Variants in TEX9 observed in about 807,000 individuals in gnomAD.
TEX9 encodes testis expressed 9.
TEX9 carries 74 observed loss-of-function variants against 59.6 expected under a neutral mutation model. That is an observed-to-expected ratio of 1.24 (90% CI 1.03 to 1.51). TEX9 has a LOEUF of 1.51. Ranked by LOEUF, TEX9 falls within the 40% of genes most tolerant of loss-of-function variation. TEX9 has a pLI of 0.00. For synonymous variants in TEX9, 186 were observed against 152.2 expected (o/e 1.22, Z -1.64); for missense variants, 522 against 447.8 (o/e 1.17, Z -1.49).
intron 1 of TEX9, among the ~76,000 whole-genome samples, chr15:56,329,386 T>C (rs1442933145): frequency 6.6e-6 from 1 of 152,026 alleles, no homozygotes; most frequent in Non-Finnish European, 1.5e-5. Context: ...CTGATGAACA[T>C]CAACAAACAT....
At chr15:56,316,971 C>G (rs1342430027) in intron 1 of TEX9, among the ~76,000 whole-genome samples, 1 of 152,208 alleles carries the variant, frequency 6.6e-6, no homozygotes, top group African/African-American at 2.4e-5. Context: ...TGACCCCTTG[C>G]GCTTCCCAAG....
At chr15:56,364,342 G>A (rs967463607), upstream of TEX9, among the ~76,000 whole-genome samples, 36 of 151,438 alleles carry the variant, frequency 2.4e-4, no homozygotes, top group South Asian at 6.3e-4. Context: ...TAGGAGTGGC[G>A]GGGTTTCTCC....
intron 3 of TEX9, 64 bp from the exon 4 acceptor site, chr15:56,383,888 G>T: frequency 1.6e-6 from 2 of 1,218,786 alleles, no homozygotes; most frequent in South Asian, 2.9e-5. Flanking sequence ...AGAGGCACTT[G>T]AATATATCTT....
At chr15:56,356,863 G>A (rs2046694301) in intron 1 of TEX9, among the ~76,000 whole-genome samples, 1 of 152,044 alleles carries the variant, frequency 6.6e-6, no homozygotes, top group Admixed American at 6.6e-5. Context: ...GGTGGTGGTG[G>A]TGGCTATCTG....
upstream of TEX9, among the ~76,000 whole-genome samples, chr15:56,362,471 C>T (rs1317791778): frequency 6.6e-6 from 1 of 152,206 alleles, no homozygotes; most frequent in Admixed American, 6.5e-5. Flanking sequence ...CTCCAGCTTC[C>T]TTTTGATTAG....
intron 3 of TEX9, chr15:56,374,703 A>G (rs1331105395): frequency 6.6e-6 from 1 of 151,794 alleles, no homozygotes; most frequent in Non-Finnish European, 1.5e-5. Flanking sequence ...TGCATCCCCC[A>G]TTACCCTTCC....
rs534033549 is a variant in TEX9, at chr15:56,408,334, A to T, written c.829-3968A>T. ...TGAATTTATATCTCAGCAATATTTG[A>T]AATAGTTGATTACTCCTTCCTTGAA... On this transcript the variant is annotated intron_variant, in intron 9 of 12. Coordinates refer to ENST00000352903, the Ensembl canonical transcript of TEX9. 4 of 152,342 alleles carry T rather than the reference A, an allele frequency of 2.6e-5. No homozygotes were observed. The South Asian group carries it at 8.3e-4, about 32-fold the overall frequency. The allele number at this position is 152,342 out of a possible 1,614,324, so 9.4% of individuals were successfully genotyped here.
At chr15:56,407,921 G>A (rs1049991621) in intron 9 of TEX9, among the ~76,000 whole-genome samples, 2 of 152,090 alleles carry the variant, frequency 1.3e-5, no homozygotes, top group African/African-American at 2.4e-5. Flanking sequence ...GCTGACCCCT[G>A]CACTTGTGCA....
At chr15:56,273,518 A>G (rs1160341440) in intron 1 of TEX9, among the ~76,000 whole-genome samples, 6 of 152,188 alleles carry the variant, frequency 3.9e-5, no homozygotes, top group Admixed American at 3.9e-4. Context: ...TTTGCTTTAA[A>G]TAGTTGGCTA....
chr15:56,258,824 C>T (rs974123700), intron 1 of TEX9, among the ~76,000 whole-genome samples: 1 of 150,306 alleles, frequency 6.7e-6, no homozygotes, highest in African/African-American at 2.4e-5. Context: ...TATTGATTTG[C>T]CTTTTTCTTA....
intron 1 of TEX9, among the ~76,000 whole-genome samples, chr15:56,294,969 G>A (rs1404566838): frequency 3.3e-5 from 5 of 152,086 alleles, no homozygotes; most frequent in African/African-American, 1.2e-4. Context: ...GTTAACATGA[G>A]AACATCACAG....
At chr15:56,274,105 C>G (rs1057092600) in intron 1 of TEX9, among the ~76,000 whole-genome samples, 3 of 152,122 alleles carry the variant, frequency 2.0e-5, no homozygotes, top group Admixed American at 1.3e-4. Flanking sequence ...TGTAGGATTA[C>G]CATTCTACAT....
chr15:56,359,840 G>T (rs1381683805), intron 1 of TEX9, among the ~76,000 whole-genome samples: 1 of 152,114 alleles, frequency 6.6e-6, no homozygotes, highest in Non-Finnish European at 1.5e-5. Flanking sequence ...ATCTTAGGGA[G>T]AAAGCATCCA....
chr15:56,357,731 C>T (rs2046710286), intron 1 of TEX9, among the ~76,000 whole-genome samples: 2 of 152,096 alleles, frequency 1.3e-5, no homozygotes, highest in South Asian at 4.1e-4. Context: ...TGTTTAATAT[C>T]TGCAAGCTTC....
chr15:56,324,991 C>G lies in TEX9; in HGVS notation c.-106-48450C>G, dbSNP rs996456260. Among the ~76,000 whole-genome samples the G allele has an allele frequency of 1.6e-4, 25 of 152,266 alleles. No homozygotes were observed. In the South Asian group the frequency reaches 2.3e-3, roughly 14 times the overall value. On this transcript the variant is annotated intron_variant, in intron 1 of 5. Transcript: ENST00000560827. ...GGAAAAGACCAATAGTTCTTACCTA[C>G]CTCTAGTCATCAGAAGGTTCCAATA...
At chr15:56,341,501 C>A (rs1174721992) in intron 1 of TEX9, among the ~76,000 whole-genome samples, 1 of 152,126 alleles carries the variant, frequency 6.6e-6, no homozygotes, top group African/African-American at 2.4e-5. Context: ...CTGCTTCTAC[C>A]CCATACCTAA....
Position 56,339,383 on chromosome 15 carries a change from C to A in TEX9, c.-106-34058C>A, listed in dbSNP as rs1476952074. ...GGGTGTCAGAGCAAGACTCCTTCTCCAAAAAAAAAAAAAAAAAAAAAAAAA... is the reference window on the plus strand; with the variant it reads ...GGGTGTCAGAGCAAGACTCCTTCTCAAAAAAAAAAAAAAAAAAAAAAAAAA... On this transcript the variant is annotated intron_variant, in intron 1 of 5. Transcript: ENST00000560827. Among the ~76,000 whole-genome samples, 34 of 30,764 alleles carry A rather than the reference C, an allele frequency of 1.1e-3. 1 individual carries two copies. Among genetic ancestry groups the A allele is most frequent in the South Asian group, 1.7e-3 (1 of 576 alleles). 20.2% of individuals were successfully genotyped at this position (30,764 alleles called of 152,430 possible).
rs746038308 is a variant in TEX9, at chr15:56,373,420, C to T, written c.120-21C>T. 3.2e-5 allele frequency: 50 copies of T among 1,582,634 alleles called. 1 individual carries two copies. The South Asian group carries it at 5.5e-4, about 17-fold the overall frequency. ...TTTTTGTTAAGATCTTCAGTATATC[C>T]CAATTATTTTCTGCTTTTAGGCGTT... On this transcript the variant is annotated intron_variant, in intron 2 of 12. Coordinates refer to ENST00000352903, the Ensembl canonical transcript of TEX9.
chr15:56,312,532 C>G (rs373501643), intron 1 of TEX9, among the ~76,000 whole-genome samples: 250 of 146,710 alleles, frequency 1.7e-3, no homozygotes, highest in African/African-American at 6.3e-3. Flanking sequence ...GTACCATGCT[C>G]TTTTGGTTAC....
Sources: gnomAD v4.1 joint callset for allele counts (sites outside exome capture counted in the v4.1 genomes callset) on GRCh38, gnomAD v4.1.1 for gene constraint, MANE v1.5 for transcripts, NCBI Gene and HGNC (gene_info 2026-07-23, HGNC 2026-07-21) for gene names.